COPB2: variants seen among roughly 807,000 people sequenced by gnomAD.
COPB2 encodes the protein coatomer subunit beta'.
Under a neutral mutation model 120.8 loss-of-function variants are expected in COPB2, and 16 were observed. That is an observed-to-expected ratio of 0.13 (90% CI 0.09 to 0.20). The LOEUF is 0.20. COPB2 is among the 10% of genes least tolerant of loss of function. The pLI is 1.00. For missense variants in COPB2, 794 were observed against 1,076.5 expected (o/e 0.74, Z 3.67); for synonymous variants, 332 against 366.3 (o/e 0.91, Z 1.07).
At chr3:139,373,861 CTG>C in intron 7 of COPB2, 53 bp from the exon 8 acceptor site, 3 of 1,603,670 alleles carry the variant, frequency 1.9e-6, no homozygotes, top group African/African-American at 1.3e-5. Context: ...CGACAATAAA[CTG>C]TGTCAGGTGA....
chr3:139,363,314 C>T (rs556909838), intron 15 of COPB2, among the ~76,000 whole-genome samples: 3 of 152,166 alleles, frequency 2.0e-5, no homozygotes, highest in African/African-American at 2.4e-5. Flanking sequence ...TGAGCATTAC[C>T]GCCTAAACTC....
At chr3:139,389,069 T>C (rs1941995871) in intron 1 of COPB2, among the ~76,000 whole-genome samples, 1 of 152,314 alleles carries the variant, frequency 6.6e-6, no homozygotes, top group South Asian at 2.1e-4. Flanking sequence ...ATCAAAGCAT[T>C]TGAAATTCCA....
Position 139,361,104 on chromosome 3 carries a change from G to A in COPB2, c.2187C>T (p.Phe729=), listed in dbSNP as rs751220094. The A allele has an allele frequency of 1.1e-5, 18 of 1,614,082 alleles. No individual in the cohort carries two copies. In the South Asian group the frequency reaches 1.9e-4, roughly 17 times the overall value. ...ACTTGCCCTGTAAAAAGTAGCTCAT[G>A]AATGCCACATTATTTTTGCCATCTC... ...AERDGKNNVA[F]MSYFLQGKVD... The change falls in exon 17 of 22, where the codon TTC becomes TTT. Residue 729 remains phenylalanine, a synonymous_variant. Coordinates refer to ENST00000333188, the MANE Select transcript of COPB2 (RefSeq NM_004766.3).
intron 13 of COPB2, 62 bp from the exon 14 acceptor site, chr3:139,367,207 C>G (rs1374515055): frequency 6.4e-7 from 1 of 1,553,500 alleles, no homozygotes; most frequent in East Asian, 2.3e-5. Context: ...CAATAAAAAG[C>G]TGAATATATC....
intron 1 of COPB2, among the ~76,000 whole-genome samples, chr3:139,388,646 G>A: frequency 1.9e-5 from 1 of 53,042 alleles, no homozygotes; most frequent in East Asian, 6.7e-4. Flanking sequence ...TTTTTTTTTT[G>A]AGACGGAGTC....
chr3:139,383,356 G>A lies in COPB2; in HGVS notation c.83C>T (p.Pro28Leu), dbSNP rs769415710. 18 of 1,612,804 alleles carry A rather than the reference G, an allele frequency of 1.1e-5. No homozygotes were observed. The Admixed American group carries it at 2.3e-4, about 21-fold the overall frequency. Residue 28 changes from proline (P) to leucine (L), a missense_variant, in exon 2 of 22, where the codon CCA (proline) becomes CTA (leucine). By Grantham distance (98) the Pro-to-Leu change is moderately conservative. Around this residue, in one of 3 missense-constraint regions of COPB2, gnomAD observed 610 missense variants for 866.7 expected, o/e 0.70. Transcript: ENST00000333188. ...VKSVDLHPTEPWMLASLYNGS... is the reference protein window; with the variant it reads ...VKSVDLHPTELWMLASLYNGS... ...ATTGTAAAGACTTGCCAACATCCAT[G>A]GCTCTGTAGGATGCAGATCCACACT...
chr3:139,369,227 A>G (rs1321547875), intron 12 of COPB2, 34 bp downstream of exon 12: 1 of 1,562,370 alleles, frequency 6.4e-7, no homozygotes, highest in Non-Finnish European at 8.7e-7. Context: ...ACAAAAATAA[A>G]TATTCCAAAA....
At chr3:139,384,852 T>C (rs1394785780) in intron 1 of COPB2, among the ~76,000 whole-genome samples, 1 of 152,246 alleles carries the variant, frequency 6.6e-6, no homozygotes, top group Admixed American at 6.5e-5. Flanking sequence ...AGTGCAAATA[T>C]CAACATTGTG....
Position 139,375,588 on chromosome 3 carries a change from T to G in COPB2, c.531A>C (p.Pro177=), listed in dbSNP as rs767028870. The G allele has an allele frequency of 1.2e-6, 2 of 1,613,954 alleles. No individual in the cohort carries two copies. The highest frequency in any genetic ancestry group is 2.7e-5 in the African/African-American group (2 of 74,922). ...TCTCATGTCCTTCCAAAGTGAAGTT[T>G]GGTGACGAAGAGCCCAACTGCCACA... The part of the protein sequence containing the change: ...IKVWQLGSSS[P]NFTLEGHEKG... The change falls in exon 6 of 22, where the codon CCA becomes CCC. Residue 177 remains proline, a synonymous_variant. Coordinates refer to ENST00000333188, the MANE Select transcript of COPB2 (RefSeq NM_004766.3).
chr3:139,374,295 T>TGAC (rs201059899), intron 7 of COPB2, 194 bp downstream of exon 7: 52 of 507,798 alleles, frequency 1.0e-4, no homozygotes, highest in Admixed American at 3.1e-4. Flanking sequence ...ATGAGAATGA[T>TGAC]GACGATGATG....
At chr3:139,386,061 T>A (rs1941913952) in intron 1 of COPB2, among the ~76,000 whole-genome samples, 1 of 152,196 alleles carries the variant, frequency 6.6e-6, no homozygotes, top group African/African-American at 2.4e-5. Flanking sequence ...ACAATGCTTT[T>A]ACTCATCTTT....
chr3:139,381,802 A>G (rs1024737153), intron 2 of COPB2: 2 of 152,204 alleles, frequency 1.3e-5, no homozygotes, highest in Admixed American at 6.5e-5. Flanking sequence ...AATGTAGCTG[A>G]TAAGAGGGAA....
intron 6 of COPB2, 95 bp downstream of exon 6, chr3:139,375,373 G>A: frequency 7.9e-7 from 1 of 1,264,794 alleles, no homozygotes; most frequent in Non-Finnish European, 1.1e-6. Flanking sequence ...TTATTATGCT[G>A]TGAACAGTTT....
intron 5 of COPB2, among the ~76,000 whole-genome samples, chr3:139,377,218 A>T (rs889114664): frequency 3.3e-5 from 5 of 151,598 alleles, no homozygotes; most frequent in Middle Eastern, 3.4e-3. Context: ...GGGGATAAAG[A>T]TTTCCAAAAA....
chr3:139,379,231 A>G, intron 3 of COPB2, 58 bp from the exon 4 acceptor site: 2 of 1,555,990 alleles, frequency 1.3e-6, no homozygotes, highest in South Asian at 1.2e-5. Flanking sequence ...ATACAAAAAA[A>G]CTATATCACA....
chr3:139,388,611 T>C (rs79106943), intron 1 of COPB2, among the ~76,000 whole-genome samples: 3,096 of 150,842 alleles, frequency 0.021, 89 homozygotes, highest in African/African-American at 0.067. Context: ...TGTTTGATTC[T>C]GTGCTTCATA....
intron 10 of COPB2, among the ~76,000 whole-genome samples, chr3:139,370,142 G>A (rs145951620): frequency 6.6e-6 from 1 of 152,316 alleles, no homozygotes; most frequent in African/African-American, 2.4e-5. Context: ...GATTGTGTTA[G>A]TAGTTACGGA....
intron 12 of COPB2, among the ~76,000 whole-genome samples, chr3:139,369,038 T>C (rs1941575394): frequency 6.6e-6 from 1 of 152,196 alleles, no homozygotes; most frequent in Non-Finnish European, 1.5e-5. Context: ...TTACCTCCAA[T>C]TGCTCAGAAA....
Position 139,369,168 on chromosome 3 carries a change from G to A in COPB2, c.1401+93C>T, listed in dbSNP as rs1240702839. ...ATGGCTTTTGATAATCGAAGAGGGA[G>A]AGCAGGGTACAAAAGACACTTCTTG... On this transcript the variant is annotated intron_variant, in intron 12 of 21. Coordinates refer to ENST00000333188, the MANE Select transcript of COPB2 (RefSeq NM_004766.3). 6.0e-6 allele frequency: 5 copies of A among 827,378 alleles called. No homozygotes were observed. The East Asian group carries it at 1.3e-4, about 21-fold the overall frequency. The allele number at this position is 827,378 out of a possible 1,614,324, so 51.3% of individuals were successfully genotyped here. A position where few individuals can be genotyped will look rare whatever the true frequency, so the allele number is the denominator to read the frequency against.
Sources: gnomAD v4.1 joint callset for allele counts (sites outside exome capture counted in the v4.1 genomes callset) on GRCh38, gnomAD v4.1.1 for gene constraint, gnomAD v4.1.1 regional missense constraint, MANE v1.5 for transcripts, NCBI Gene and HGNC (gene_info 2026-07-23, HGNC 2026-07-21) for gene names.